PKM: variants seen among roughly 807,000 people sequenced by gnomAD.
PKM encodes pyruvate kinase M1/2.
A neutral mutation model predicts 49.8 loss-of-function variants in PKM; 18 were observed. That is an observed-to-expected ratio of 0.36 (90% CI 0.25 to 0.54). The LOEUF (loss-of-function observed/expected upper bound fraction) is 0.54, where lower values mean the gene tolerates loss of function less well. Among genes scored for constraint, PKM ranks in the 20% least tolerant of loss-of-function variants. The pLI, the probability that PKM is intolerant of heterozygous loss-of-function variation, is 0.89. For synonymous variants in PKM, 239 were observed against 261.8 expected, an observed-to-expected ratio of 0.91 and a Z score of 0.84; for missense variants, 508 against 713.8, an observed-to-expected ratio of 0.71 and a Z score of 3.28.
intron 8 of PKM, chr15:72,203,132 C>T (rs1489637978): frequency 6.2e-7 from 1 of 1,614,080 alleles, no homozygotes; most frequent in South Asian, 1.1e-5. Context: ...TTGAGGCTCG[C>T]ACAAGTTCTT....
chr15:72,200,952 A>C lies in PKM; in HGVS notation c.1308-297T>G. The C allele has an allele frequency of 2.8e-6, 1 of 354,640 alleles. No homozygotes were observed. Among genetic ancestry groups the C allele is most frequent in the Non-Finnish European group, 5.3e-6 (1 of 189,778 alleles). 22.0% of individuals were successfully genotyped at this position (354,640 alleles called of 1,614,324 possible). On this transcript the variant is annotated intron_variant, in intron 9 of 10. Transcript: ENST00000335181. This position sits in a 1 kb window ranked among gnomAD's most constrained non-coding sequence, Gnocchi z 4.6. ...CCCCACACAGCCCATGGTTGGCAGAACCCCTCCTACACCCTGAACTCTGAC... is the reference window on the plus strand; with the variant it reads ...CCCCACACAGCCCATGGTTGGCAGACCCCCTCCTACACCCTGAACTCTGAC...
Position 72,202,153 on chromosome 15 carries a change from C to A in PKM, c.1307+301G>T. 2.3e-6 allele frequency: 1 copy of A among 435,150 alleles called. No homozygotes were observed. The highest frequency in any genetic ancestry group is 4.2e-6 in the Non-Finnish European group (1 of 237,658). 27.0% of individuals were successfully genotyped at this position (435,150 alleles called of 1,614,324 possible). A position where few individuals can be genotyped will look rare whatever the true frequency, so the allele number is the denominator to read the frequency against. ...GGTTATCTTTTACAATTTTAGAGGA[C>A]TAAATTTTCAATATCAAATAACCAT... On this transcript the variant is annotated intron_variant, in intron 9 of 10. Transcript: ENST00000335181. This position sits in a 1 kb window ranked among gnomAD's most constrained non-coding sequence, Gnocchi z 4.5.
At position 72,229,728 on chromosome 15, in the gene PKM, G is replaced by A. The variant is rs1209899821; in HGVS notation, c.-14+1388C>T. 15 of 1,180,288 alleles carry A rather than the reference G, an allele frequency of 1.3e-5. No homozygotes were observed. The East Asian group carries it at 7.8e-4, about 61-fold the overall frequency. The allele number at this position is 1,180,288 out of a possible 1,614,324, so 73.1% of individuals were successfully genotyped here. A position where few individuals can be genotyped will look rare whatever the true frequency, so the allele number is the denominator to read the frequency against. ...CATTTTAAGATTGTGAGCTCGGTGG[G>A]CTATGACTCGTCTAGTCATCCTGGT... On this transcript the variant is annotated intron_variant, in intron 1 of 10. Transcript: ENST00000335181.
intron 8 of PKM, among the ~76,000 whole-genome samples, chr15:72,205,667 G>A (rs1445059341): frequency 6.6e-6 from 1 of 150,714 alleles, no homozygotes; most frequent in Non-Finnish European, 1.5e-5. Flanking sequence ...TGGTGGCAGG[G>A]GGTGGCGTTT....
intron 1 of PKM, among the ~76,000 whole-genome samples, chr15:72,225,802 T>C (rs1389421174): frequency 6.6e-6 from 1 of 152,198 alleles, no homozygotes; most frequent in Non-Finnish European, 1.5e-5. Flanking sequence ...TTTCTTCTAT[T>C]AATCAATACT....
At chr15:72,228,376 CTT>C (rs10656443) in intron 1 of PKM, among the ~76,000 whole-genome samples, 7 of 118,852 alleles carry the variant, frequency 5.9e-5, no homozygotes, top group East Asian at 2.5e-4. Context: ...TTAGTTGTGG[CTT>C]TTTTTTTTTT....
chr15:72,226,391 G>A (rs546755304), intron 1 of PKM, among the ~76,000 whole-genome samples: 24 of 152,266 alleles, frequency 1.6e-4, no homozygotes, highest in South Asian at 8.3e-4. Flanking sequence ...TCAGCCAGGC[G>A]TGGTTGCGGT....
chr15:72,207,404 TC>T, intron 6 of PKM, 127 bp from the exon 7 acceptor site: 28 of 840,508 alleles, frequency 3.3e-5, no homozygotes, highest in Non-Finnish European at 5.0e-5. Context: ...ATCCATGATA[TC>T]ATCATGGGTG....
chr15:72,219,234 G>C (rs2082459438), intron 1 of PKM, 124 bp from the exon 2 acceptor site: 1 of 848,898 alleles, frequency 1.2e-6, no homozygotes, highest in East Asian at 2.5e-5. Flanking sequence ...ACAAGCCACA[G>C]GGAAGCCAGA....
chr15:72,230,651 G>A (rs2082835581), intron 1 of PKM, among the ~76,000 whole-genome samples: 1 of 152,154 alleles, frequency 6.6e-6, no homozygotes, highest in Non-Finnish European at 1.5e-5. Context: ...TACACAGAAA[G>A]CATTAGAATC....
chr15:72,222,510 T>C (rs1442029918), intron 1 of PKM: 1 of 152,412 alleles, frequency 6.6e-6, no homozygotes, highest in Non-Finnish European at 1.5e-5. Flanking sequence ...AGCCCAGCCT[T>C]GGTTTCTCAG....
At chr15:72,210,597 A>T (rs886863689) in intron 3 of PKM, 119 bp from the exon 4 acceptor site, 1 of 1,101,688 alleles carries the variant, frequency 9.1e-7, no homozygotes, top group Non-Finnish European at 1.4e-6. Flanking sequence ...TTAGAGCTCT[A>T]TCTCCATCCT....
intron 8 of PKM, among the ~76,000 whole-genome samples, chr15:72,205,726 C>T (rs1374124167): frequency 6.7e-6 from 1 of 148,300 alleles, no homozygotes; most frequent in Admixed American, 6.8e-5. Flanking sequence ...GCGGGTCTTT[C>T]ACTGGCTAGA....
rs750409915 is a variant in PKM, at chr15:72,199,581, T to G, written c.*69A>C. 3.7e-6 allele frequency: 4 copies of G among 1,094,246 alleles called. No homozygotes were observed. The highest frequency in any genetic ancestry group is 5.6e-6 in the Non-Finnish European group (4 of 713,110). 67.8% of individuals were successfully genotyped at this position (1,094,246 alleles called of 1,614,324 possible). A position where few individuals can be genotyped will look rare whatever the true frequency, so the allele number is the denominator to read the frequency against. ...CAGCCCAGAGTGAGTTCTACAAGCGTTGCTGGCCTAATGGATGGGCTGGGG... is the reference window on the plus strand; with the variant it reads ...CAGCCCAGAGTGAGTTCTACAAGCGGTGCTGGCCTAATGGATGGGCTGGGG... On this transcript the variant is annotated 3_prime_UTR_variant, in exon 11 of 11. Transcript: ENST00000335181.
intron 1 of PKM, chr15:72,229,755 T>C: frequency 8.9e-7 from 1 of 1,121,348 alleles, no homozygotes; most frequent in Non-Finnish European, 1.1e-6. Context: ...CATCCTGGTC[T>C]CTAACTCTGA....
chr15:72,218,695 T>TG (rs2082438522), intron 2 of PKM, among the ~76,000 whole-genome samples: 1 of 151,964 alleles, frequency 6.6e-6, no homozygotes, highest in Non-Finnish European at 1.5e-5. Flanking sequence ...CCCAAAGTGC[T>TG]GGGAGCCACC....
At chr15:72,225,034 G>A (rs2082628988) in intron 1 of PKM, among the ~76,000 whole-genome samples, 2 of 145,644 alleles carry the variant, frequency 1.4e-5, no homozygotes, top group South Asian at 4.3e-4. Context: ...CCATTCTCCT[G>A]CCTCAGCCTC....
At chr15:72,204,890 G>A (rs2140621834) in intron 8 of PKM, among the ~76,000 whole-genome samples, 1 of 152,302 alleles carries the variant, frequency 6.6e-6, no homozygotes, top group Middle Eastern at 3.4e-3. Flanking sequence ...GAGAGGGGAT[G>A]TGTGGAGAGA....
intron 1 of PKM, among the ~76,000 whole-genome samples, chr15:72,225,443 A>C (rs1381473371): frequency 2.6e-5 from 4 of 152,018 alleles, no homozygotes; most frequent in Admixed American, 6.6e-5. Flanking sequence ...CAGCCTCTCA[A>C]AGTGCTGGGA....
Sources: allele counts gnomAD v4.1 joint callset (sites outside exome capture counted in the v4.1 genomes callset), GRCh38; gene constraint gnomAD v4.1.1; non-coding constraint Gnocchi (gnomAD v3.1); transcripts MANE v1.5; gene names NCBI Gene and HGNC (gene_info 2026-07-23, HGNC 2026-07-21).